Variants in AKAP7 observed in about 807,000 individuals in gnomAD.
The protein encoded by AKAP7 is A-kinase anchoring protein 7.
Under a neutral mutation model 39.5 loss-of-function variants are expected in AKAP7, and 39 were observed. The observed-to-expected ratio is 0.99, with a 90% CI of 0.76 to 1.29. The LOEUF (loss-of-function observed/expected upper bound fraction) is 1.29, where lower values mean the gene tolerates loss of function less well. Among genes scored for constraint, AKAP7 ranks in the 50% most tolerant of loss-of-function variants. The probability of loss-of-function intolerance (pLI) is 0.00; values close to 1 mark genes in which losing one functional copy is unlikely to be tolerated. For synonymous variants in AKAP7, 140 were observed against 139.1 expected (o/e 1.01, Z -0.05); for missense variants, 414 against 407.7 (o/e 1.02, Z -0.13).
intron 5 of AKAP7, 58 bp from the exon 6 acceptor site, chr6:131,199,403 T>G: frequency 8.2e-7 from 1 of 1,213,906 alleles, no homozygotes; most frequent in Non-Finnish European, 1.2e-6. Context: ...TTTTTTACAG[T>G]TAAAAAGAAC....
chr6:131,184,648 T>C (rs545738329), intron 5 of AKAP7: 23 of 766,040 alleles, frequency 3.0e-5, no homozygotes, highest in African/African-American at 1.7e-4. Context: ...TCCCATCTTC[T>C]TGTTAATCTT....
At chr6:131,138,395 A>G (rs545390993) in intron 1 of AKAP7, among the ~76,000 whole-genome samples, 91 of 152,340 alleles carry the variant, frequency 6.0e-4, no homozygotes, top group Non-Finnish European at 1.1e-3. Context: ...AATTGCTTCC[A>G]AATCTTGGCT....
intron 5 of AKAP7, among the ~76,000 whole-genome samples, chr6:131,193,123 C>T (rs935912546): frequency 6.6e-6 from 1 of 151,996 alleles, no homozygotes; most frequent in Non-Finnish European, 1.5e-5. Context: ...TGTTGAATAA[C>T]AGTGGTGAAA....
At chr6:131,250,534 A>G (rs1457648655) in intron 7 of AKAP7, 1 of 1,613,850 alleles carries the variant, frequency 6.2e-7, no homozygotes. Flanking sequence ...CCTCACGGAG[A>G]AGAACACCAG....
intron 5 of AKAP7, among the ~76,000 whole-genome samples, chr6:131,179,238 A>G (rs887663564): frequency 6.6e-6 from 1 of 152,084 alleles, no homozygotes; most frequent in Non-Finnish European, 1.5e-5. Context: ...CAGTTGCACA[A>G]TCTTGGCTCA....
chr6:131,261,057 G>T (rs11754401), intron 7 of AKAP7, among the ~76,000 whole-genome samples: 13 of 151,820 alleles, frequency 8.6e-5, no homozygotes, highest in African/African-American at 3.1e-4. Context: ...TTAGCTGGGC[G>T]TAGTGGCACA....
At chr6:131,132,276 G>A (rs145775920), upstream of AKAP7, among the ~76,000 whole-genome samples, 3 of 150,516 alleles carry the variant, frequency 2.0e-5, no homozygotes, top group Admixed American at 2.0e-4. Flanking sequence ...TTGCGCCACC[G>A]CACTCCAGCC....
At chr6:131,230,427 C>G (rs900937945) in intron 7 of AKAP7, among the ~76,000 whole-genome samples, 3 of 152,058 alleles carry the variant, frequency 2.0e-5, no homozygotes, top group Non-Finnish European at 2.9e-5. Flanking sequence ...GTCCTTTGCC[C>G]ATTTTTTAAT....
rs117875103 is a variant in AKAP7 at position 131,189,647 on chromosome 6, A to G, written c.590-9814A>G. Among the ~76,000 whole-genome samples, 1,152 of 152,332 alleles carry G rather than the reference A, an allele frequency of 7.6e-3. 10 individuals are homozygous for G. Among genetic ancestry groups the G allele is most frequent in the Non-Finnish European group, 0.01 (693 of 68,024 alleles). ...AGAGTTCACCTAAAGAAAATCTCCT[A>G]TAGAAAAAAATATGTAAAGCCTAAA... On this transcript the variant is annotated intron_variant, in intron 5 of 7. Transcript: ENST00000431975.
intron 7 of AKAP7, among the ~76,000 whole-genome samples, chr6:131,237,493 C>T (rs1160534388): frequency 6.6e-6 from 1 of 152,164 alleles, no homozygotes; most frequent in African/African-American, 2.4e-5. Flanking sequence ...ACCAGCTCCT[C>T]CTTGTACCTC....
At position 131,253,109 on chromosome 6, in the gene AKAP7, A is replaced by G. The variant is rs373615668; in HGVS notation, c.851-28421A>G. Reference sequence around the variant, plus strand: ...GATATACCCAGTTGGTCAAGTGGTAAGAGTCAAGTGACCCCTCCCCTCTCC... The same window carrying G: ...GATATACCCAGTTGGTCAAGTGGTAGGAGTCAAGTGACCCCTCCCCTCTCC... On this transcript the variant is annotated intron_variant, in intron 7 of 7. Coordinates refer to ENST00000431975, the MANE Select transcript of AKAP7 (RefSeq NM_016377.4). 1.9e-6 allele frequency: 3 copies of G among 1,612,392 alleles called. No individual in the cohort carries two copies. In the East Asian group the frequency reaches 6.7e-5, roughly 36 times the overall value.
At chr6:131,224,927 T>A (rs572531209) in intron 7 of AKAP7, among the ~76,000 whole-genome samples, 74 of 151,610 alleles carry the variant, frequency 4.9e-4, no homozygotes, top group African/African-American at 1.1e-3. Context: ...ATTTTTTTTT[T>A]AATATTTTTA....
At chr6:131,236,225 C>T (rs1347770964) in intron 7 of AKAP7, among the ~76,000 whole-genome samples, 1 of 152,056 alleles carries the variant, frequency 6.6e-6, no homozygotes, top group East Asian at 1.9e-4. Context: ...AGATATGCGG[C>T]ATTATTTCTG....
chr6:131,163,721 G>A (rs1419019550), intron 3 of AKAP7, among the ~76,000 whole-genome samples: 2 of 152,112 alleles, frequency 1.3e-5, no homozygotes, highest in African/African-American at 4.8e-5. Context: ...GGAAGTATAT[G>A]AAAATATGTG....
chr6:131,126,741 G>C, the AKAP7 span, among the ~76,000 whole-genome samples: 2 of 152,246 alleles, frequency 1.3e-5, no homozygotes, highest in African/African-American at 4.8e-5. Flanking sequence ...ATATTCATGC[G>C]TCTTGTCTCC....
intron 7 of AKAP7, among the ~76,000 whole-genome samples, chr6:131,226,958 G>A (rs1026657080): frequency 1.3e-5 from 2 of 152,186 alleles, no homozygotes; most frequent in Admixed American, 1.3e-4. Flanking sequence ...ATAAGACACA[G>A]TCCTTAAGAG....
intron 7 of AKAP7, among the ~76,000 whole-genome samples, chr6:131,222,881 G>A (rs552231837): frequency 2.0e-5 from 3 of 152,262 alleles, no homozygotes; most frequent in East Asian, 3.9e-4. Flanking sequence ...AGGAAGAGTC[G>A]ATTGATGCAG....
the AKAP7 span, among the ~76,000 whole-genome samples, chr6:131,129,212 G>A: frequency 1.3e-5 from 2 of 150,692 alleles, no homozygotes; most frequent in Non-Finnish European, 2.9e-5. Flanking sequence ...GCTTGAACCC[G>A]AGAGGCGGAA....
intron 3 of AKAP7, 77 bp from the exon 4 acceptor site, chr6:131,165,004 A>C (rs1803343116): frequency 8.4e-7 from 1 of 1,192,116 alleles, no homozygotes; most frequent in Non-Finnish European, 1.1e-6. Flanking sequence ...TTTCTTCTTG[A>C]TTTTACATTT....
Sources: allele counts gnomAD v4.1 joint callset (sites outside exome capture counted in the v4.1 genomes callset), GRCh38; gene constraint gnomAD v4.1.1; transcripts MANE v1.5; gene names NCBI Gene and HGNC (gene_info 2026-07-23, HGNC 2026-07-21).